The following ADAD2 variants were observed in gnomAD, a reference collection of about 807,000 sequenced individuals.
ADAD2 encodes adenosine deaminase domain-containing protein 2.
Under a neutral mutation model 54.5 loss-of-function variants are expected in ADAD2, and 60 were observed. That is an observed-to-expected ratio of 1.10 (90% CI 0.89 to 1.36). The LOEUF (loss-of-function observed/expected upper bound fraction) is 1.36. ADAD2 is among the 40% of genes most tolerant of loss of function. The pLI is 0.00. For missense variants in ADAD2, 1,103 were observed against 801.3 expected, an observed-to-expected ratio of 1.38 and a Z score of -4.54; for synonymous variants, 543 against 366.2, an observed-to-expected ratio of 1.48 and a Z score of -5.51.
chr16:84,191,791 G>C, intron 1 of ADAD2, 143 bp downstream of exon 1: 2 of 1,274,064 alleles, frequency 1.6e-6, no homozygotes, highest in Non-Finnish European at 2.2e-6. Flanking sequence ...CCTGGCCTGA[G>C]CTTGGGACCT....
chr16:84,195,020 G>A lies in ADAD2; in HGVS notation c.607+40G>A, dbSNP rs752530493. On this transcript the variant is annotated intron_variant, in intron 3 of 9. Transcript: ENST00000315906. The stretch of plus-strand genomic sequence containing the variant: ...CCGGACCCAGGCTTGTAGTGTCGAG[G>A]GGAGAGGCGTGGGCCCCCTTCTACC... 6 of 1,612,834 alleles carry A rather than the reference G, an allele frequency of 3.7e-6. No homozygotes were observed. The Middle Eastern group carries it at 6.6e-4, about 177-fold the overall frequency.
intron 1 of ADAD2, 151 bp downstream of exon 1, chr16:84,191,799 C>G: frequency 8.6e-7 from 1 of 1,160,600 alleles, no homozygotes; most frequent in East Asian, 2.5e-5. Context: ...GAGCTTGGGA[C>G]CTTGGGGTGG....
chr16:84,191,766 A>G (rs111685508), intron 1 of ADAD2, 118 bp downstream of exon 1: 50,619 of 1,438,886 alleles, frequency 0.035, 997 homozygotes, highest in Middle Eastern at 0.051. Context: ...GCTCAGAGAC[A>G]CCGCCGGAGC....
chr16:84,196,423 C>T (rs1450460009), intron 8 of ADAD2, 53 bp downstream of exon 8: 11 of 1,574,274 alleles, frequency 7.0e-6, no homozygotes, highest in African/African-American at 1.4e-5. Flanking sequence ...TGATGGAGGG[C>T]TCATGCATGA....
Position 84,191,657 on chromosome 16 carries a change from G to C in ADAD2, c.418+9G>C, listed in dbSNP as rs973576788. 3.9e-6 allele frequency: 6 copies of C among 1,555,426 alleles called. No homozygotes were observed. Among genetic ancestry groups the C allele is most frequent in the Non-Finnish European group, 4.3e-6 (5 of 1,150,272 alleles). ...GGAGGACCAGCCACCAGGTGAGGCC[G>C]GGCCGGGGCATGGCTGTGCCAGAGG... On this transcript the variant is annotated intron_variant, in intron 1 of 9. Coordinates refer to ENST00000315906, the MANE Select transcript of ADAD2 (RefSeq NM_001145400.2).
At chr16:84,191,812 C>G (rs1004567031) in intron 1 of ADAD2, 164 bp downstream of exon 1, 1 of 1,017,712 alleles carries the variant, frequency 9.8e-7, no homozygotes. Context: ...TGGGGTGGAC[C>G]CTGCTGTGAG....
Position 84,191,254 on chromosome 16 carries a change from T to C in ADAD2, c.24T>C (p.Ala8=), listed in dbSNP as rs1490558503. The part of the protein sequence containing the change: MASASQG[A]DDDGSRRKPR... ...CCATGGCTTCGGCTTCTCAGGGCGC[T>C]GACGACGACGGCAGTCGTAGGAAGC... The change falls in exon 1 of 10, where the codon GCT becomes GCC. Residue 8 remains alanine, a synonymous_variant. Coordinates refer to ENST00000315906, the MANE Select transcript of ADAD2 (RefSeq NM_001145400.2). The C allele has an allele frequency of 6.2e-7, 1 of 1,607,262 alleles. No homozygotes were observed. Among genetic ancestry groups the C allele is most frequent in the Non-Finnish European group, 8.5e-7 (1 of 1,177,318 alleles).
intron 5 of ADAD2, 21 bp from the exon 6 acceptor site, chr16:84,195,509 C>T (rs754399474): frequency 6.2e-7 from 1 of 1,602,652 alleles, no homozygotes; most frequent in Non-Finnish European, 8.5e-7. Context: ...TTCCCAACCA[C>T]CCTGTGCCTG....
chr16:84,194,527 A>G lies in ADAD2; in HGVS notation c.504A>G (p.Lys168=), dbSNP rs1441433284. The part of the protein sequence containing the change: ...AGTANSKTEA[K]QQAALSALCY... ...CTGCGAATAGCAAGACGGAGGCCAA[A>G]CAGCAGGCAGCGCTCTCTGCCCTCT... The change falls in exon 2 of 10, where the codon AAA becomes AAG. Residue 168 remains lysine, a synonymous_variant. Transcript: ENST00000315906. 5 of 1,611,836 alleles carry G rather than the reference A, an allele frequency of 3.1e-6. No individual in the cohort carries two copies. The highest frequency in any genetic ancestry group is 2.2e-5 in the East Asian group (1 of 44,792).
At chr16:84,192,064 G>A (rs1334503995) in intron 1 of ADAD2, among the ~76,000 whole-genome samples, 1 of 152,208 alleles carries the variant, frequency 6.6e-6, no homozygotes, top group East Asian at 1.9e-4. Context: ...GTAATACCGT[G>A]TACATGATAC....
At chr16:84,193,864 A>T in intron 1 of ADAD2, 1 of 899,736 alleles carries the variant, frequency 1.1e-6, no homozygotes, top group Non-Finnish European at 1.7e-6. Context: ...GGAAACCCCC[A>T]GAGGGGCAGT....
intron 1 of ADAD2, chr16:84,193,796 T>C: frequency 2.0e-6 from 1 of 500,836 alleles, no homozygotes; most frequent in South Asian, 3.5e-5. Context: ...TGATGCCTGT[T>C]TAGAGCAGAC....
chr16:84,194,886 G>A lies in ADAD2; in HGVS notation c.560-47G>A, dbSNP rs543026463. 1.9e-5 allele frequency: 30 copies of A among 1,563,282 alleles called. No individual in the cohort carries two copies. In the South Asian group the frequency reaches 2.6e-4, roughly 14 times the overall value. On this transcript the variant is annotated intron_variant, in intron 2 of 9. Coordinates refer to ENST00000315906, the MANE Select transcript of ADAD2 (RefSeq NM_001145400.2). ...CTCCTTGGCTTCCTGAGGGACGGAG[G>A]GTGGGCCTTGGCACCCACACCAGCC...
chr16:84,195,670 C>A lies in ADAD2; in HGVS notation c.1025C>A (p.Thr342Asn), dbSNP rs2089719010. The change falls in exon 6 of 10, where the codon ACC becomes AAC. Residue 342 changes from threonine to asparagine, a missense_variant. Thr to Asn is a moderately conservative substitution (Grantham distance 65). Transcript: ENST00000315906. ...RVFLHLYISNTPKGAARDIYL... is the reference protein window; with the variant it reads ...RVFLHLYISNNPKGAARDIYL... ...TTCCTGCACCTCTACATCAGCAACA[C>A]CCCCAAGGGCGCGGCCCGTGACATC... 6.4e-7 allele frequency: 1 copy of A among 1,572,968 alleles called. No individual in the cohort carries two copies. The highest frequency in any genetic ancestry group is 8.6e-7 in the Non-Finnish European group (1 of 1,162,796).
chr16:84,196,041 C>T lies in ADAD2; in HGVS notation c.1279C>T (p.Leu427=), dbSNP rs1008709372. 6 of 1,599,242 alleles carry T rather than the reference C, an allele frequency of 3.8e-6. No individual in the cohort carries two copies. In the South Asian group the frequency reaches 5.5e-5, roughly 15 times the overall value. Residue 427 remains leucine, a synonymous_variant, in exon 7 of 10, where the codon CTG becomes TTG. Coordinates refer to ENST00000315906, the MANE Select transcript of ADAD2 (RefSeq NM_001145400.2). Reference sequence around the variant, plus strand: ...CCCACTCTACAGCACCAGCCTCATCCTGGGTGAGCACGTGGTGAGGGCTGG... The same window carrying T: ...CCCACTCTACAGCACCAGCCTCATCTTGGGTGAGCACGTGGTGAGGGCTGG... ...VSPLYSTSLI[L]ADSCHDPPTL... is the part of the protein sequence containing the mutation.
At chr16:84,194,786 C>A in intron 2 of ADAD2, 147 bp from the exon 3 acceptor site, 3 of 1,265,980 alleles carry the variant, frequency 2.4e-6, no homozygotes, top group South Asian at 1.4e-5. Context: ...TCTGGGGACA[C>A]CGGGGGTAGG....
Position 84,196,916 on chromosome 16 carries a change from A to T in ADAD2, c.1694A>T (p.Asp565Val). 6.2e-7 allele frequency: 1 copy of T among 1,603,828 alleles called. No individual in the cohort carries two copies. The highest frequency in any genetic ancestry group is 1.1e-5 in the South Asian group (1 of 89,638). The change falls in exon 10 of 10, where the codon GAC (aspartate) becomes GTC (valine). Residue 565 changes from aspartate to valine, a missense_variant. Transcript: ENST00000315906. ...EARRQLSLLL[D>V]QQGLGAWPSK... ...CGCAGGCAGCTGTCTCTCCTCCTGG[A>T]CCAGCAGGGCCTGGGGGCTTGGCCC...
At position 84,194,816 on chromosome 16, in the gene ADAD2, C is replaced by T. The variant is rs866414841; in HGVS notation, c.560-117C>T. ...GGTAGGGACCGCTAGAAGAGCAGCT[C>T]GTGTAATGTCCTGTGTCTGGAAGAT... On this transcript the variant is annotated intron_variant, in intron 2 of 9. Coordinates refer to ENST00000315906, the MANE Select transcript of ADAD2 (RefSeq NM_001145400.2). 2.8e-5 allele frequency: 36 copies of T among 1,298,542 alleles called. No homozygotes were observed. The African/African-American group carries it at 2.8e-4, about 10-fold the overall frequency. 80.4% of individuals were successfully genotyped at this position (1,298,542 alleles called of 1,614,324 possible). A position where few individuals can be genotyped will look rare whatever the true frequency, so the allele number is the denominator to read the frequency against.
chr16:84,195,799 C>G lies in ADAD2; in HGVS notation c.1053-16C>G. ...AGCAGCCCTGAAGCTGATGTCTGTCCCCACCCGGCCCGCAGCCTGCCCCCC... is the reference window on the plus strand; with the variant it reads ...AGCAGCCCTGAAGCTGATGTCTGTCGCCACCCGGCCCGCAGCCTGCCCCCC... On this transcript the variant is annotated splice_polypyrimidine_tract_variant and intron_variant, in intron 6 of 9. Coordinates refer to ENST00000315906, the MANE Select transcript of ADAD2 (RefSeq NM_001145400.2). The G allele has an allele frequency of 1.3e-6, 2 of 1,582,252 alleles. No individual in the cohort carries two copies. The highest frequency in any genetic ancestry group is 1.1e-5 in the South Asian group (1 of 87,212).
Sources: allele counts gnomAD v4.1 joint callset (sites outside exome capture counted in the v4.1 genomes callset), GRCh38; gene constraint gnomAD v4.1.1; transcripts MANE v1.5; gene names NCBI Gene and HGNC (gene_info 2026-07-23, HGNC 2026-07-21).